The following MAP7D2 variants were observed in gnomAD, a reference collection of about 807,000 sequenced individuals.
The protein encoded by MAP7D2 is MAP7 domain-containing protein 2.
In MAP7D2, 33 loss-of-function variants were observed where a neutral mutation model predicts 63.5. That is an observed-to-expected ratio of 0.52 (90% CI 0.39 to 0.70). The LOEUF is 0.70. Ranked by LOEUF, MAP7D2 falls within the 30% of genes least tolerant of loss-of-function variation. The pLI, the probability that MAP7D2 is intolerant of heterozygous loss-of-function variation, is 0.00. For missense variants in MAP7D2, 626 were observed against 604.0 expected (o/e 1.04, Z -0.38); for synonymous variants, 224 against 223.7 (o/e 1.00, Z -0.01).
At position 20,116,907 on chromosome X, in the gene MAP7D2, T is replaced by C; in HGVS notation, c.-28A>G. 9.6e-7 allele frequency: 1 copy of C among 1,043,733 alleles called. No homozygotes were observed. The highest frequency in any genetic ancestry group is 1.2e-6 in the Non-Finnish European group (1 of 815,806). 86.0% of individuals were successfully genotyped at this position (1,043,733 alleles called of 1,213,427 possible). ...GGATGCGCCGGCCGCACAGGCGCAC[T>C]GCCAAGCCCGCCGCGCCGCACCGAA... On this transcript the variant is annotated 5_prime_UTR_variant, in exon 1 of 17. Coordinates refer to ENST00000379643, the MANE Select transcript of MAP7D2 (RefSeq NM_001168465.2).
At chrX:20,022,195 C>A (rs1366562941) in intron 10 of MAP7D2, among the ~76,000 whole-genome samples, 1 of 111,509 alleles carries the variant, frequency 9.0e-6, no homozygotes, top group Non-Finnish European at 1.9e-5. Flanking sequence ...CACAAGTCCA[C>A]GTGGGGGCAA....
chrX:20,046,378 C>CT (rs368162506), intron 6 of MAP7D2, among the ~76,000 whole-genome samples: 42 of 112,468 alleles, frequency 3.7e-4, no homozygotes, highest in African/African-American at 1.2e-3. Context: ...CACATGATTC[C>CT]TACAAAAGCT....
intron 1 of MAP7D2, among the ~76,000 whole-genome samples, chrX:20,091,135 C>T (rs1274699605): frequency 2.8e-5 from 3 of 105,799 alleles, no homozygotes; most frequent in African/African-American, 1.0e-4. Context: ...TCACTACAAC[C>T]TCCACCTCCC....
At chrX:20,013,209 C>T (rs765467827) in intron 13 of MAP7D2, 77 bp from the exon 14 acceptor site, 10 of 758,882 alleles carry the variant, frequency 1.3e-5, no homozygotes, top group East Asian at 3.2e-5. Context: ...TAAAAGCATC[C>T]GATGATATTT....
chrX:20,088,295 CTTTT>C (rs10713735), intron 1 of MAP7D2, among the ~76,000 whole-genome samples: 1 of 86,329 alleles, frequency 1.2e-5, no homozygotes. Flanking sequence ...CAATAGTTTT[CTTTT>C]TTTTTTTTTT....
intron 8 of MAP7D2, among the ~76,000 whole-genome samples, chrX:20,034,770 G>T (rs899677575): frequency 2.8e-4 from 31 of 111,949 alleles, no homozygotes; most frequent in Admixed American, 2.7e-3. Flanking sequence ...CATCTCTGTT[G>T]TTTATAAGCC....
At chrX:20,062,425 G>A (rs1270884928) in intron 3 of MAP7D2, among the ~76,000 whole-genome samples, 1 of 110,834 alleles carries the variant, frequency 9.0e-6, no homozygotes, top group Admixed American at 9.6e-5. Flanking sequence ...ACCATGAAAG[G>A]GTGCTTCTTG....
chrX:20,096,732 C>G (rs2066280964), intron 1 of MAP7D2, among the ~76,000 whole-genome samples: 1 of 111,058 alleles, frequency 9.0e-6, no homozygotes, highest in Non-Finnish European at 1.9e-5. Flanking sequence ...GTATTTAATG[C>G]CACTAAATTG....
At chrX:20,065,711 T>C (rs914439213) in intron 1 of MAP7D2, among the ~76,000 whole-genome samples, 1 of 111,733 alleles carries the variant, frequency 8.9e-6, no homozygotes. Flanking sequence ...ACAAATAAGA[T>C]GGAACAAATG....
chrX:20,077,178 C>T (rs901281387), intron 1 of MAP7D2, among the ~76,000 whole-genome samples: 7 of 111,755 alleles, frequency 6.3e-5, no homozygotes, highest in African/African-American at 9.8e-5. Flanking sequence ...GTTCTAGCCG[C>T]GCACAGTGAC....
intron 1 of MAP7D2, among the ~76,000 whole-genome samples, chrX:20,106,232 C>T (rs1179769180): frequency 2.7e-5 from 3 of 112,060 alleles, no homozygotes; most frequent in African/African-American, 9.7e-5. Context: ...CAAGTCCATC[C>T]CCTTTCCACA....
intron 3 of MAP7D2, among the ~76,000 whole-genome samples, chrX:20,058,246 A>G (rs778403554): frequency 8.9e-6 from 1 of 112,636 alleles, no homozygotes; most frequent in South Asian, 3.7e-4. Flanking sequence ...AAGGAAGAGA[A>G]CTTCTCTGCC....
intron 1 of MAP7D2, among the ~76,000 whole-genome samples, chrX:20,086,905 T>C (rs2065924334): frequency 9.0e-6 from 1 of 111,563 alleles, no homozygotes; most frequent in African/African-American, 3.3e-5. Context: ...TCAGCCTCCC[T>C]AAATACTTTA....
rs1057027567 is a variant in MAP7D2 at position 20,037,747 on chromosome X, CAAAG to C, written c.1007+4751_1007+4754del. ...AGAAGCATGATTGGAAAATTGGTGACAAAGAAATTTGGGGAAGAGATATGTGGAT... is the reference window on the plus strand; with the variant it reads ...AGAAGCATGATTGGAAAATTGGTGACAAATTTGGGGAAGAGATATGTGGAT... On this transcript the variant is annotated intron_variant, in intron 8 of 16. Transcript: ENST00000379643. 6.3e-5 allele frequency among the ~76,000 whole-genome samples: 7 copies of C among 111,832 alleles called. No homozygotes were observed. In the Admixed American group the frequency reaches 6.6e-4, roughly 11 times the overall value.
chrX:20,062,463 G>A (rs1460075339), intron 3 of MAP7D2, among the ~76,000 whole-genome samples: 4 of 109,994 alleles, frequency 3.6e-5, no homozygotes, highest in African/African-American at 1.3e-4. Flanking sequence ...CTATGTGTGT[G>A]TTTTCGTATG....
chrX:20,115,239 TAAAA>T (rs748101570), intron 1 of MAP7D2, among the ~76,000 whole-genome samples: 1 of 70,094 alleles, frequency 1.4e-5, no homozygotes, highest in African/African-American at 5.3e-5. Context: ...TTGTTTCCAT[TAAAA>T]AAAAAAAAAA....
chrX:20,035,926 ATGTGTGTG>A (rs59706024), intron 8 of MAP7D2, among the ~76,000 whole-genome samples: 74 of 98,377 alleles, frequency 7.5e-4, no homozygotes, highest in African/African-American at 1.5e-3. Context: ...AAAAATATAT[ATGTGTGTG>A]TGTGTGTGTG....
intron 8 of MAP7D2, among the ~76,000 whole-genome samples, chrX:20,026,681 G>T (rs1251361519): frequency 8.9e-6 from 1 of 111,852 alleles, no homozygotes; most frequent in African/African-American, 3.3e-5. Context: ...GTGAGGACAA[G>T]CCACTTGGTT....
Position 20,116,882 on chromosome X carries a change from G to C in MAP7D2, c.-3C>G. ...GAGCCGCCGCCGCCGCGCTCCATCG[G>C]GATGCGCCGGCCGCACAGGCGCACT... is the stretch of plus-strand genomic sequence containing the variant. On this transcript the variant is annotated 5_prime_UTR_variant, in exon 1 of 17. Coordinates refer to ENST00000379643, the MANE Select transcript of MAP7D2 (RefSeq NM_001168465.2). 1 of 1,113,998 alleles carries C rather than the reference G, an allele frequency of 9.0e-7. No individual in the cohort carries two copies. The highest frequency in any genetic ancestry group is 1.2e-6 in the Non-Finnish European group (1 of 848,596). The allele number at this position is 1,113,998 out of a possible 1,213,427, so 91.8% of individuals were successfully genotyped here.
Sources: allele counts gnomAD v4.1 joint callset (sites outside exome capture counted in the v4.1 genomes callset), GRCh38; gene constraint gnomAD v4.1.1; transcripts MANE v1.5; gene names NCBI Gene and HGNC (gene_info 2026-07-23, HGNC 2026-07-21).